Variants in MTRES1 observed in about 807,000 individuals in gnomAD.
MTRES1 encodes the protein uncharacterized protein C6orf203.
Under a neutral mutation model 17.4 loss-of-function variants are expected in MTRES1, and 11 were observed. The ratio of observed to expected loss-of-function variants is 0.63; its 90% CI spans 0.40 to 1.05. MTRES1 has a LOEUF of 1.05. Ranked by LOEUF, MTRES1 falls within the 50% of genes least tolerant of loss-of-function variation. The pLI is 0.00. For synonymous variants in MTRES1, 94 were observed against 99.6 expected (o/e 0.94, Z 0.34); for missense variants, 268 against 276.2 (o/e 0.97, Z 0.21).
Position 107,040,116 on chromosome 6 carries a change from A to G in MTRES1, c.356A>G (p.Glu119Gly), listed in dbSNP as rs147392787. 7 of 1,613,766 alleles carry G rather than the reference A, an allele frequency of 4.3e-6. No homozygotes were observed. The African/African-American group carries it at 9.3e-5, about 22-fold the overall frequency. The change falls in exon 2 of 4, where the codon GAA (glutamate) becomes GGA (glycine). Residue 119 changes from glutamate to glycine, a missense_variant. Transcript: ENST00000311381. ...ESHHDEMSEQ[E>G]EELEDDPTVV... ...CATCATGATGAGATGAGTGAGCAGG[A>G]AGAGGAGCTTGAGGATGATCCTACT...
intron 3 of MTRES1, among the ~76,000 whole-genome samples, chr6:107,050,551 C>CTTTTTTTTTTTTTTTTTTTTTTTTTTTTT (rs142268482): frequency 3.7e-5 from 3 of 81,518 alleles, no homozygotes; most frequent in African/African-American, 1.0e-4. Flanking sequence ...CTCTCCCTTT[C>CTTTTTTTTTTTTTTTTTTTTTTTTTTTTT]TTTTTTTTTT....
intron 3 of MTRES1, among the ~76,000 whole-genome samples, chr6:107,045,080 G>A (rs1359566682): frequency 2.0e-5 from 3 of 151,952 alleles, no homozygotes; most frequent in Non-Finnish European, 4.4e-5. Flanking sequence ...AGCTACTCAG[G>A]AGGCTGAGAC....
intron 1 of MTRES1, among the ~76,000 whole-genome samples, chr6:107,031,213 C>A (rs1665925): frequency 0.94 from 142,751 of 151,410 alleles, 67,526 homozygotes; most frequent in East Asian, 1. Flanking sequence ...AACCCTGTGT[C>A]TACTAAAAAT....
At chr6:107,030,208 G>A (rs1157566281) in intron 1 of MTRES1, 17 of 717,020 alleles carry the variant, frequency 2.4e-5, no homozygotes, top group South Asian at 7.4e-5. Flanking sequence ...GGTTGAGGGA[G>A]CACCAGATCC....
At chr6:107,041,254 T>C (rs1774205960) in intron 2 of MTRES1, among the ~76,000 whole-genome samples, 1 of 150,498 alleles carries the variant, frequency 6.6e-6, no homozygotes, top group Non-Finnish European at 1.5e-5. Context: ...AATGCAGGCT[T>C]TGGAGTGAGA....
rs1237721492 is a variant in MTRES1 at position 107,045,247 on chromosome 6, C to T, written c.543+915C>T. On this transcript the variant is annotated intron_variant, in intron 3 of 3. Coordinates refer to ENST00000311381, the MANE Select transcript of MTRES1 (RefSeq NM_016487.5). ...CTGTAATCCCAGCACTTTGGGAGGC[C>T]GAGTCAGGTGGATCACGAGGTCAGG... Among the ~76,000 whole-genome samples, 4 of 151,850 alleles carry T rather than the reference C, an allele frequency of 2.6e-5. No homozygotes were observed. The South Asian group carries it at 8.3e-4, about 32-fold the overall frequency.
At chr6:107,036,265 C>T (rs755714760) in intron 1 of MTRES1, among the ~76,000 whole-genome samples, 5 of 152,054 alleles carry the variant, frequency 3.3e-5, no homozygotes, top group South Asian at 2.1e-4. Flanking sequence ...TAATTCTGGC[C>T]GGGCACTGTG....
chr6:107,050,245 A>G (rs1345905069), intron 3 of MTRES1, among the ~76,000 whole-genome samples: 1 of 152,122 alleles, frequency 6.6e-6, no homozygotes, highest in African/African-American at 2.4e-5. Context: ...TCAGCATCCA[A>G]CTCTGCTTTC....
chr6:107,036,825 G>C (rs1401615037), intron 1 of MTRES1, among the ~76,000 whole-genome samples: 5 of 147,070 alleles, frequency 3.4e-5, no homozygotes, highest in African/African-American at 1.3e-4. Flanking sequence ...ACTCCAGCCT[G>C]GGCGACAGAG....
chr6:107,045,833 A>G (rs548092347), intron 3 of MTRES1, among the ~76,000 whole-genome samples: 73 of 152,312 alleles, frequency 4.8e-4, no homozygotes, highest in African/African-American at 1.7e-3. Flanking sequence ...CATACTTTGG[A>G]GATTGTTTTC....
intron 1 of MTRES1, among the ~76,000 whole-genome samples, chr6:107,029,572 C>T (rs1212494331): frequency 6.6e-6 from 1 of 151,834 alleles, no homozygotes; most frequent in Non-Finnish European, 1.5e-5. Flanking sequence ...CAGCCTCCCC[C>T]TCCCAGGTTC....
In MTRES1 at chr6:107,051,447, TCC is replaced by T. The variant is rs1554229239; in HGVS notation, c.*212_*213del. On this transcript the variant is annotated 3_prime_UTR_variant, in exon 4 of 4. Transcript: ENST00000311381. ...CACCTTGATCCATGCTCCTTTGACC[TCC>T]TCGTGTGAGAACCCCTTTGCCAGAG... is the stretch of plus-strand genomic sequence containing the variant. 7 of 1,906 alleles carry T rather than the reference TCC, an allele frequency of 3.7e-3. No individual in the cohort carries two copies. The highest frequency in any genetic ancestry group is 0.043 in the South Asian group (2 of 46). The allele number at this position is 1,906 out of a possible 1,614,324, so 0.1% of individuals were successfully genotyped here. A position where few individuals can be genotyped will look rare whatever the true frequency, so the allele number is the denominator to read the frequency against.
chr6:107,038,513 C>G (rs1774083544), intron 1 of MTRES1, among the ~76,000 whole-genome samples: 1 of 152,118 alleles, frequency 6.6e-6, no homozygotes, highest in South Asian at 2.1e-4. Flanking sequence ...TCTCTAGACC[C>G]CTTCCTTGTC....
chr6:107,044,986 G>C (rs1406270854), intron 3 of MTRES1, among the ~76,000 whole-genome samples: 22 of 152,032 alleles, frequency 1.4e-4, no homozygotes, highest in African/African-American at 5.3e-4. Flanking sequence ...CCCAGGAGTT[G>C]AAGACCAGCC....
intron 1 of MTRES1, chr6:107,029,907 A>G (rs1047919608): frequency 1.7e-6 from 1 of 605,790 alleles, no homozygotes. Context: ...GCCTGACCTC[A>G]TCTTGCCCTC....
intron 1 of MTRES1, chr6:107,028,501 T>G (rs1394477043): frequency 6.6e-6 from 1 of 152,262 alleles, no homozygotes; most frequent in Non-Finnish European, 1.5e-5. Flanking sequence ...GAATGCAGAC[T>G]GCGAACCCGG....
intron 3 of MTRES1, among the ~76,000 whole-genome samples, chr6:107,047,505 A>G (rs1774433404): frequency 6.6e-6 from 1 of 152,048 alleles, no homozygotes; most frequent in Admixed American, 6.6e-5. Flanking sequence ...CAGGCATGAG[A>G]CACCACACCT....
intron 2 of MTRES1, among the ~76,000 whole-genome samples, chr6:107,043,921 G>A (rs782138859): frequency 6.6e-6 from 1 of 152,230 alleles, no homozygotes; most frequent in Non-Finnish European, 1.5e-5. Flanking sequence ...GAGGTCAGGA[G>A]TTCAAGACCA....
chr6:107,029,085 G>A (rs1291820416), intron 1 of MTRES1, among the ~76,000 whole-genome samples: 2 of 152,162 alleles, frequency 1.3e-5, no homozygotes, highest in African/African-American at 4.8e-5. Flanking sequence ...GAGTGCAATG[G>A]CGGGATCTCG....
Sources: gnomAD v4.1 joint callset for allele counts (sites outside exome capture counted in the v4.1 genomes callset) on GRCh38, gnomAD v4.1.1 for gene constraint, MANE v1.5 for transcripts, NCBI Gene and HGNC (gene_info 2026-07-23, HGNC 2026-07-21) for gene names.